CLEC12A: variants seen among roughly 807,000 people sequenced by gnomAD.
The protein encoded by CLEC12A is C-type lectin domain family 12 member A.
A neutral mutation model predicts 26.5 loss-of-function variants in CLEC12A; 22 were observed. The ratio of observed to expected loss-of-function variants is 0.83; its 90% CI spans 0.59 to 1.19. The LOEUF (loss-of-function observed/expected upper bound fraction) is 1.19, where lower values mean the gene tolerates loss of function less well. Ranked by LOEUF, CLEC12A falls within the 50% of genes most tolerant of loss-of-function variation. The pLI is 0.00. For missense variants in CLEC12A, 353 were observed against 315.6 expected (o/e 1.12, Z -0.90); for synonymous variants, 119 against 101.9 (o/e 1.17, Z -1.01).
chr12:9,993,083 T>A, intron 4 of CLEC12A: 1 of 1,504,784 alleles, frequency 6.6e-7, no homozygotes, highest in Non-Finnish European at 9.1e-7. Context: ...GATGCATTCA[T>A]ACATATCTTT....
the CLEC12A span, among the ~76,000 whole-genome samples, chr12:10,002,979 A>G: frequency 2.0e-4 from 31 of 152,324 alleles, 1 homozygote; most frequent in South Asian, 5.6e-3. Flanking sequence ...GATGTCCTGT[A>G]TATATTTTAC....
chr12:9,989,386 G>T (rs1219181547), downstream of CLEC12A, among the ~76,000 whole-genome samples: 1 of 151,528 alleles, frequency 6.6e-6, no homozygotes, highest in African/African-American at 2.4e-5. Context: ...GAAATTACAA[G>T]TGCTGCTCCA....
chr12:9,995,553 T>C (rs1483324070), exon 5 of CLEC12A: 5 of 362,222 alleles, frequency 1.4e-5, no homozygotes, highest in Admixed American at 7.9e-5. Context: ...ATACCAAATA[T>C]GATTCAAAGG....
chr12:9,980,817 C>A, intron 4 of CLEC12A, 84 bp downstream of exon 4: 1 of 1,429,094 alleles, frequency 7.0e-7, no homozygotes, highest in East Asian at 2.4e-5. Flanking sequence ...ACTCATGATT[C>A]TGGTTTATTT....
At chr12:9,960,237 A>C (rs769633070) in intron 1 of CLEC12A, among the ~76,000 whole-genome samples, 1 of 152,216 alleles carries the variant, frequency 6.6e-6, no homozygotes, top group Non-Finnish European at 1.5e-5. Context: ...TAATATTGAA[A>C]GCCCAGCCAA....
chr12:9,988,452 T>C (rs1864819471), downstream of CLEC12A, among the ~76,000 whole-genome samples: 2 of 152,218 alleles, frequency 1.3e-5, no homozygotes, highest in African/African-American at 4.8e-5. Context: ...AGAAAGTTTT[T>C]GCAATCTACT....
chr12:9,987,936 C>T, downstream of CLEC12A, among the ~76,000 whole-genome samples: 1 of 151,924 alleles, frequency 6.6e-6, no homozygotes, highest in East Asian at 1.9e-4. Context: ...AGCCTACCAA[C>T]TAGCTGGGAT....
downstream of CLEC12A, chr12:9,997,249 T>C (rs776714738): frequency 1.5e-5 from 25 of 1,613,214 alleles, 1 homozygote; most frequent in East Asian, 5.6e-4. Flanking sequence ...ATTTTCATTC[T>C]CACCTTGTAG....
the CLEC12A span, among the ~76,000 whole-genome samples, chr12:10,004,510 C>T: frequency 5.0e-4 from 76 of 152,088 alleles, no homozygotes; most frequent in Non-Finnish European, 6.5e-4. Context: ...CTCCTCTTGG[C>T]GTTCAGAAGT....
chr12:10,000,112 T>A (rs889574107), downstream of CLEC12A, among the ~76,000 whole-genome samples: 4 of 152,224 alleles, frequency 2.6e-5, no homozygotes, highest in African/African-American at 9.6e-5. Context: ...GGCAGATTTT[T>A]ATTTTTGTTA....
Position 9,984,892 on chromosome 12 carries a change from T to G in CLEC12A, c.664T>G (p.Leu222Val). Residue 222 changes from leucine to valine, a missense_variant, in exon 6 of 6, where the codon TTA (leucine) becomes GTA (valine). Leu to Val is a conservative substitution (Grantham distance 32). Transcript: ENST00000304361. ...CAGGGTTATAAGAAACGCACCTGAC[T>G]TAAATAACATGTATTGTGGATATAT... ...SAWVIRNAPD[L>V]NNMYCGYINR... 6.5e-7 allele frequency: 1 copy of G among 1,545,032 alleles called. No homozygotes were observed. Among genetic ancestry groups the G allele is most frequent in the Non-Finnish European group, 8.7e-7 (1 of 1,146,108 alleles).
At chr12:10,001,568 G>C in the CLEC12A span, among the ~76,000 whole-genome samples, 332 of 152,310 alleles carry the variant, frequency 2.2e-3, 1 homozygote, top group Non-Finnish European at 4.0e-3. Flanking sequence ...AGCGAAGACA[G>C]AGACTCTCAG....
chr12:9,985,130 C>T lies in CLEC12A; in HGVS notation c.*104C>T. ...ACAATTAGTTGAGTTTGTCTGAAGA[C>T]CTGGGATTTTATCATGCAGATGAAA... is the stretch of plus-strand genomic sequence containing the variant. On this transcript the variant is annotated 3_prime_UTR_variant, in exon 6 of 6. Transcript: ENST00000304361. The T allele has an allele frequency of 4.0e-6, 5 of 1,240,550 alleles. No homozygotes were observed. Among genetic ancestry groups the T allele is most frequent in the African/African-American group, 1.6e-5 (1 of 64,432 alleles). 76.8% of individuals were successfully genotyped at this position (1,240,550 alleles called of 1,614,324 possible).
At chr12:9,964,985 A>G (rs73048857) in intron 1 of CLEC12A, among the ~76,000 whole-genome samples, 43,343 of 152,100 alleles carry the variant, frequency 0.28, 6,878 homozygotes, top group Non-Finnish European at 0.35. Flanking sequence ...GGTAATTGTC[A>G]GAGACTTAAC....
chr12:9,996,294 A>G (rs1265871330), downstream of CLEC12A, among the ~76,000 whole-genome samples: 3 of 152,264 alleles, frequency 2.0e-5, no homozygotes, highest in African/African-American at 7.2e-5. Context: ...CCAACTATAC[A>G]ATTTCTTTTT....
chr12:9,953,253 T>C (rs1379185768), intron 1 of CLEC12A: 2 of 57,386 alleles, frequency 3.5e-5, no homozygotes, highest in Non-Finnish European at 6.9e-5. Flanking sequence ...CGCCCCCCCC[T>C]ACTGGGAAGT....
chr12:9,993,030 C>G (rs1474638353), intron 4 of CLEC12A: 7 of 914,782 alleles, frequency 7.7e-6, no homozygotes, highest in Non-Finnish European at 9.9e-6. Flanking sequence ...TTAAAAATAA[C>G]TCCAGTGAGA....
At chr12:9,987,740 T>A (rs1023385582), downstream of CLEC12A, among the ~76,000 whole-genome samples, 1 of 152,126 alleles carries the variant, frequency 6.6e-6, no homozygotes, top group Non-Finnish European at 1.5e-5. Context: ...ACCTGTATGT[T>A]TTTGTTTGTT....
chr12:9,965,636 T>G (rs1446657647), intron 1 of CLEC12A, among the ~76,000 whole-genome samples: 1 of 151,990 alleles, frequency 6.6e-6, no homozygotes, highest in African/African-American at 2.4e-5. Flanking sequence ...ATGGGGTGGT[T>G]AGGCAAAACA....
Sources: allele counts gnomAD v4.1 joint callset (sites outside exome capture counted in the v4.1 genomes callset), GRCh38; gene constraint gnomAD v4.1.1; transcripts MANE v1.5; gene names NCBI Gene and HGNC (gene_info 2026-07-23, HGNC 2026-07-21).